Variants in ERCC6L2 observed in about 807,000 individuals in gnomAD.
ERCC6L2 encodes the protein DNA excision repair protein ERCC-6-like 2.
A neutral mutation model predicts 132.0 loss-of-function variants in ERCC6L2; 77 were observed. The ratio of observed to expected loss-of-function variants is 0.58; its 90% CI spans 0.49 to 0.71. The LOEUF (loss-of-function observed/expected upper bound fraction) is 0.71, where lower values mean the gene tolerates loss of function less well. Ranked by LOEUF, ERCC6L2 falls within the 30% of genes least tolerant of loss-of-function variation. ERCC6L2 has a pLI of 0.00. For synonymous variants in ERCC6L2, 583 were observed against 632.4 expected, an observed-to-expected ratio of 0.92 and a Z score of 1.17; for missense variants, 1,542 against 1,837.6, an observed-to-expected ratio of 0.84 and a Z score of 2.94.
intron 17 of ERCC6L2, among the ~76,000 whole-genome samples, chr9:96,000,868 GT>G (rs1185961124): frequency 6.6e-6 from 1 of 152,188 alleles, no homozygotes; most frequent in African/African-American, 2.4e-5. Flanking sequence ...TCCGGAATTG[GT>G]GGGTTCTTGG....
chr9:95,930,169 C>T (rs1006023132), intron 11 of ERCC6L2, among the ~76,000 whole-genome samples: 14 of 152,008 alleles, frequency 9.2e-5, no homozygotes, highest in African/African-American at 3.4e-4. Flanking sequence ...TTCTTTTGAG[C>T]TTATCTTCAA....
At chr9:95,973,470 G>A (rs993351331) in intron 16 of ERCC6L2, among the ~76,000 whole-genome samples, 3 of 152,114 alleles carry the variant, frequency 2.0e-5, no homozygotes, top group Non-Finnish European at 2.9e-5. Flanking sequence ...AAGAAAAAGG[G>A]GTTTAATGGA....
chr9:95,934,721 G>A (rs1830482368), intron 11 of ERCC6L2, among the ~76,000 whole-genome samples: 1 of 152,092 alleles, frequency 6.6e-6, no homozygotes, highest in Non-Finnish European at 1.5e-5. Context: ...TTACTAACTT[G>A]TGAGGATTAA....
At chr9:95,993,294 G>C (rs147009614) in intron 17 of ERCC6L2, among the ~76,000 whole-genome samples, 5 of 152,200 alleles carry the variant, frequency 3.3e-5, no homozygotes, top group Non-Finnish European at 4.4e-5. Flanking sequence ...ATCTGGAAAG[G>C]CTTCTATCCT....
chr9:96,010,727 C>CA (rs1834000061), intron 18 of ERCC6L2, among the ~76,000 whole-genome samples: 1 of 152,172 alleles, frequency 6.6e-6, no homozygotes, highest in Non-Finnish European at 1.5e-5. Flanking sequence ...ATATTTACCT[C>CA]ATGGTAAATT....
chr9:95,974,815 G>A (rs1216818429), intron 16 of ERCC6L2, among the ~76,000 whole-genome samples: 1 of 151,776 alleles, frequency 6.6e-6, no homozygotes, highest in Non-Finnish European at 1.5e-5. Flanking sequence ...ATATATGTAT[G>A]TACACATATG....
intron 12 of ERCC6L2, among the ~76,000 whole-genome samples, chr9:95,948,249 T>C (rs1470184137): frequency 2.6e-5 from 4 of 152,220 alleles, no homozygotes; most frequent in African/African-American, 4.8e-5. Flanking sequence ...TGGATGACTT[T>C]GAGGAGTTCG....
At chr9:95,995,090 G>T (rs2133171003) in intron 17 of ERCC6L2, among the ~76,000 whole-genome samples, 1 of 152,246 alleles carries the variant, frequency 6.6e-6, no homozygotes, top group Non-Finnish European at 1.5e-5. Context: ...ATTTAATCAT[G>T]TGCCTGTGAG....
chr9:95,933,464 A>T (rs549057324), intron 11 of ERCC6L2, among the ~76,000 whole-genome samples: 31 of 152,198 alleles, frequency 2.0e-4, no homozygotes, highest in African/African-American at 7.2e-4. Context: ...GAATCGAGAC[A>T]CTTGCTACTT....
chr9:95,955,543 C>T (rs1831558430), intron 12 of ERCC6L2, among the ~76,000 whole-genome samples: 1 of 151,638 alleles, frequency 6.6e-6, no homozygotes, highest in Non-Finnish European at 1.5e-5. Context: ...TGCTTTCTGG[C>T]ACTATGGATT....
rs1207073063 is a variant in ERCC6L2 at position 95,971,924 on chromosome 9, C to A, written c.2182-9C>A. ...TTTTCTGATGTTTTTGTCATTGTTT[C>A]TCCTATAGCCTAGACAGCCTGACTG... On this transcript the variant is annotated splice_polypyrimidine_tract_variant and intron_variant, in intron 15 of 18. Transcript: ENST00000653738. The A allele has an allele frequency of 1.6e-6, 2 of 1,259,802 alleles. No homozygotes were observed. The highest frequency in any genetic ancestry group is 2.2e-4 in the Middle Eastern group (1 of 4,448). The allele number at this position is 1,259,802 out of a possible 1,614,324, so 78.0% of individuals were successfully genotyped here.
intron 17 of ERCC6L2, among the ~76,000 whole-genome samples, chr9:95,996,484 C>T (rs1564292983): frequency 6.6e-6 from 1 of 152,242 alleles, no homozygotes; most frequent in Non-Finnish European, 1.5e-5. Context: ...ACAAAACAGC[C>T]TTCTGTTGGA....
intron 4 of ERCC6L2, 83 bp downstream of exon 4, chr9:95,907,354 T>C (rs1373353927): frequency 4.5e-5 from 50 of 1,119,732 alleles, no homozygotes; most frequent in Non-Finnish European, 5.8e-5. Context: ...TTTTTTTTTT[T>C]TTTGAGACAG....
At position 95,875,738 on chromosome 9, in the gene ERCC6L2, T is replaced by G. The variant is rs199917784; in HGVS notation, c.-301T>G. On this transcript the variant is annotated 5_prime_UTR_variant, in exon 1 of 19. Transcript: ENST00000653738. ...TCGCCTTGCCGGCCTCCTGTCCTCC[T>G]CCGGCGGCGGCGGAGCCCGAGAGAA... 2.6e-5 allele frequency: 12 copies of G among 465,100 alleles called. No individual in the cohort carries two copies. The highest frequency in any genetic ancestry group is 7.8e-6 in the Non-Finnish European group (2 of 257,000). The allele number at this position is 465,100 out of a possible 1,614,324, so 28.8% of individuals were successfully genotyped here.
At chr9:95,953,991 G>A (rs1831472968) in intron 12 of ERCC6L2, among the ~76,000 whole-genome samples, 1 of 152,060 alleles carries the variant, frequency 6.6e-6, no homozygotes, top group Non-Finnish European at 1.5e-5. Context: ...GAGTGTTTAT[G>A]GTAAGGTAGG....
intron 1 of ERCC6L2, among the ~76,000 whole-genome samples, chr9:95,880,111 G>A (rs1192041635): frequency 6.6e-6 from 1 of 152,284 alleles, no homozygotes; most frequent in Admixed American, 6.5e-5. Flanking sequence ...TCTTTAAAGT[G>A]TAATAGGATC....
chr9:95,875,773 C>T lies in ERCC6L2; in HGVS notation c.-266C>T, dbSNP rs1827214103. 1 of 538,348 alleles carries T rather than the reference C, an allele frequency of 1.9e-6. No individual in the cohort carries two copies. The highest frequency in any genetic ancestry group is 3.4e-6 in the Non-Finnish European group (1 of 298,294). 33.3% of individuals were successfully genotyped at this position (538,348 alleles called of 1,614,324 possible). On this transcript the variant is annotated 5_prime_UTR_variant, in exon 1 of 19. Coordinates refer to ENST00000653738, the MANE Select transcript of ERCC6L2 (RefSeq NM_020207.7). ...GCGGAGCCCGAGAGAACTAGGTGAA[C>T]ACCGCTTTGCCAGCCTCACACAGCG...
At chr9:96,034,764 C>A (rs890381510) in intron 19 of ERCC6L2, among the ~76,000 whole-genome samples, 8 of 151,660 alleles carry the variant, frequency 5.3e-5, no homozygotes, top group Admixed American at 3.9e-4. Flanking sequence ...GGGCCCCACC[C>A]TCCTGGATGG....
At chr9:95,993,255 A>G (rs1588033541) in intron 17 of ERCC6L2, among the ~76,000 whole-genome samples, 1 of 152,186 alleles carries the variant, frequency 6.6e-6, no homozygotes, top group South Asian at 2.1e-4. Flanking sequence ...TGCCAGGGCT[A>G]TGGTGCTGAG....
Sources: allele counts gnomAD v4.1 joint callset (sites outside exome capture counted in the v4.1 genomes callset), GRCh38; gene constraint gnomAD v4.1.1; transcripts MANE v1.5; gene names NCBI Gene and HGNC (gene_info 2026-07-23, HGNC 2026-07-21).